SLC2A2: variants seen among roughly 807,000 people sequenced by gnomAD.
SLC2A2 encodes solute carrier family 2, facilitated glucose transporter member 2.
A neutral mutation model predicts 54.5 loss-of-function variants in SLC2A2; 36 were observed. The ratio of observed to expected loss-of-function variants is 0.66; its 90% confidence interval spans 0.51 to 0.87. The LOEUF is 0.87. Ranked by LOEUF, SLC2A2 falls within the 40% of genes least tolerant of loss-of-function variation. The pLI is 0.00. For missense variants in SLC2A2, 543 were observed against 624.3 expected, an observed-to-expected ratio of 0.87 and a Z score of 1.39; for synonymous variants, 223 against 219.1, an observed-to-expected ratio of 1.02 and a Z score of -0.16.
At chr3:171,007,111 A>G in intron 5 of SLC2A2, 37 bp downstream of exon 5, 1 of 1,131,764 alleles carries the variant, frequency 8.8e-7, no homozygotes, top group Non-Finnish European at 1.3e-6. Flanking sequence ...GATGAAGTAG[A>G]TGGGTGCAGT....
At chr3:171,009,512 G>A (rs1030040016) in intron 4 of SLC2A2, among the ~76,000 whole-genome samples, 7 of 151,996 alleles carry the variant, frequency 4.6e-5, no homozygotes, top group African/African-American at 1.2e-4. Flanking sequence ...ATTAAGGGTC[G>A]TGGTATAGCA....
intron 3 of SLC2A2, among the ~76,000 whole-genome samples, chr3:171,013,403 C>A (rs946877340): frequency 9.2e-5 from 14 of 151,904 alleles, no homozygotes; most frequent in Non-Finnish European, 1.6e-4. Flanking sequence ...AAGAAATTGA[C>A]CACTGTCTTT....
chr3:171,010,146 C>T (rs1349682761), intron 3 of SLC2A2, 64 bp from the exon 4 acceptor site: 5 of 1,533,438 alleles, frequency 3.3e-6, no homozygotes, highest in South Asian at 2.2e-5. Flanking sequence ...TATTCGCTTT[C>T]AGAGCATGTT....
intron 4 of SLC2A2, among the ~76,000 whole-genome samples, chr3:171,009,530 A>G (rs1000746659): frequency 1.3e-5 from 2 of 151,990 alleles, no homozygotes; most frequent in Non-Finnish European, 2.9e-5. Flanking sequence ...GCAGTCTCCC[A>G]CTGTCTGCTA....
At chr3:171,000,599 G>T (rs1386002318) in intron 8 of SLC2A2, among the ~76,000 whole-genome samples, 1 of 148,412 alleles carries the variant, frequency 6.7e-6, no homozygotes, top group Non-Finnish European at 1.5e-5. Flanking sequence ...TTCTTTCTCA[G>T]TGTCATCCTG....
chr3:171,014,850 A>C, intron 2 of SLC2A2, 119 bp from the exon 3 acceptor site: 1 of 779,962 alleles, frequency 1.3e-6, no homozygotes, highest in Admixed American at 2.2e-5. Flanking sequence ...TTTTATATAC[A>C]TATAAACATG....
chr3:171,006,006 A>T lies in SLC2A2; in HGVS notation c.712T>A (p.Phe238Ile), dbSNP rs757087261. The change falls in exon 6 of 11, where the codon TTC becomes ATC. Residue 238 changes from phenylalanine (F) to isoleucine (I), a missense_variant. This residue lies in a region of SLC2A2 where 318 missense variants were observed against 343.8 expected (regional missense o/e 0.93). Coordinates refer to ENST00000314251, the MANE Select transcript of SLC2A2 (RefSeq NM_000340.2). ...RAILQSLLLF[F>I]CPESPRYLYI... ...AGGTATCTGGGGCTTTCTGGACAGAAAAAGAGTAGCAGAGACTGAAGGATG... is the reference window on the plus strand; with the variant it reads ...AGGTATCTGGGGCTTTCTGGACAGATAAAGAGTAGCAGAGACTGAAGGATG... The T allele has an allele frequency of 2.9e-5, 47 of 1,612,630 alleles. No individual in the cohort carries two copies. Among genetic ancestry groups the T allele is most frequent in the Non-Finnish European group, 3.8e-5 (45 of 1,179,130 alleles).
intron 1 of SLC2A2, among the ~76,000 whole-genome samples, chr3:171,019,098 T>C (rs1288394622): frequency 2.3e-3 from 12 of 5,284 alleles, no homozygotes; most frequent in African/African-American, 0.019. Flanking sequence ...TGTGTGTGTG[T>C]ATATATATAT....
At chr3:171,011,410 G>A (rs1013072773) in intron 3 of SLC2A2, among the ~76,000 whole-genome samples, 1 of 152,096 alleles carries the variant, frequency 6.6e-6, no homozygotes, top group African/African-American at 2.4e-5. Context: ...GGAAGAAGGG[G>A]CCACAAGCCA....
At position 170,998,196 on chromosome 3, in the gene SLC2A2, A is replaced by G. The variant is rs1363033893; in HGVS notation, c.1371T>C (p.Ile457=). ...NFIVALCFQY[I]ADFCGPYVFF... ...TGTGGAATATTAGGCTGCTTACCGCAATGTACTGGAAACACAGAGCTACAA... is the reference window on the plus strand; with the variant it reads ...TGTGGAATATTAGGCTGCTTACCGCGATGTACTGGAAACACAGAGCTACAA... Residue 457 remains isoleucine, a synonymous_variant, in exon 10 of 11, where the codon ATT becomes ATC. Coordinates refer to ENST00000314251, the MANE Select transcript of SLC2A2 (RefSeq NM_000340.2). The G allele has an allele frequency of 6.2e-7, 1 of 1,613,602 alleles. No individual in the cohort carries two copies. The highest frequency in any genetic ancestry group is 1.3e-5 in the African/African-American group (1 of 74,902).
chr3:171,019,129 G>GTATGTA (rs1716328693), intron 1 of SLC2A2, among the ~76,000 whole-genome samples: 1 of 25,036 alleles, frequency 4.0e-5, no homozygotes, highest in African/African-American at 2.5e-4. Context: ...ATATACGTAT[G>GTATGTA]TATATATATA....
intron 9 of SLC2A2, among the ~76,000 whole-genome samples, chr3:170,998,833 A>T (rs1261150940): frequency 6.6e-6 from 1 of 152,170 alleles, no homozygotes; most frequent in South Asian, 2.1e-4. Context: ...CCATGGGTAC[A>T]TGGCCTCCCT....
chr3:171,008,347 A>G (rs2108247980), intron 4 of SLC2A2, among the ~76,000 whole-genome samples: 1 of 152,226 alleles, frequency 6.6e-6, no homozygotes, highest in East Asian at 1.9e-4. Context: ...ATCTTAAGTA[A>G]GAAAAAAATC....
Position 170,997,894 on chromosome 3 carries a change from G to GT in SLC2A2, c.*8dup, listed in dbSNP as rs573575421. 0.012 allele frequency: 15,650 copies of GT among 1,337,056 alleles called. 5 individuals are homozygous for GT. The highest frequency in any genetic ancestry group is 0.017 in the Middle Eastern group (91 of 5,276). The allele number at this position is 1,337,056 out of a possible 1,614,324, so 82.8% of individuals were successfully genotyped here. A position where few individuals can be genotyped will look rare whatever the true frequency, so the allele number is the denominator to read the frequency against. On this transcript the variant is annotated 3_prime_UTR_variant, in exon 11 of 11. Transcript: ENST00000314251. ...GTTTCTGTTCATGTCAAAAAGCAGG[G>GT]TTTTTTTTTTACACAGTCTCTGTAG...
At chr3:171,024,429 G>C (rs1716596001) in intron 1 of SLC2A2, among the ~76,000 whole-genome samples, 1 of 152,206 alleles carries the variant, frequency 6.6e-6, no homozygotes, top group Admixed American at 6.5e-5. Flanking sequence ...ATACTCTAGT[G>C]TGGGAACCGA....
chr3:171,001,990 C>T (rs1715358067), intron 8 of SLC2A2, among the ~76,000 whole-genome samples: 1 of 151,792 alleles, frequency 6.6e-6, no homozygotes, highest in Non-Finnish European at 1.5e-5. Flanking sequence ...TAATCTCACA[C>T]ATACTCTCAT....
chr3:171,018,782 T>C (rs1228759348), intron 1 of SLC2A2, among the ~76,000 whole-genome samples, 159 bp from the exon 2 acceptor site: 1 of 152,094 alleles, frequency 6.6e-6, no homozygotes. Flanking sequence ...TGGCAGGTGT[T>C]GTTCATACAA....
At chr3:171,008,672 GA>G (rs1389008030) in intron 4 of SLC2A2, among the ~76,000 whole-genome samples, 1 of 151,900 alleles carries the variant, frequency 6.6e-6, no homozygotes, top group Non-Finnish European at 1.5e-5. Context: ...TAAATGGAGA[GA>G]AAAGAAAGAA....
In SLC2A2 at chr3:171,014,597, C is replaced by A. The variant is rs531049536; in HGVS notation, c.243G>T (p.Trp81Cys). The change falls in exon 3 of 11, where the codon TGG becomes TGT. Residue 81 changes from tryptophan to cysteine, a missense_variant. This residue lies in a region of SLC2A2 where 318 missense variants were observed against 343.8 expected (regional missense o/e 0.93). Transcript: ENST00000314251. The part of the protein sequence containing the change: ...SYSMNPKPTP[W>C]AEEETVAAAQ... ...CAGCTGCCACAGTCTCTTCCTCAGCCCAAGGGGTTGGTTTTGGGTTCATTG... is the reference window on the plus strand; with the variant it reads ...CAGCTGCCACAGTCTCTTCCTCAGCACAAGGGGTTGGTTTTGGGTTCATTG... The A allele has an allele frequency of 2.5e-6, 4 of 1,614,108 alleles. No individual in the cohort carries two copies. Among genetic ancestry groups the A allele is most frequent in the South Asian group, 1.1e-5 (1 of 91,082 alleles).
Sources: allele counts gnomAD v4.1 joint callset (sites outside exome capture counted in the v4.1 genomes callset), GRCh38; gene constraint gnomAD v4.1.1; regional missense constraint gnomAD v4.1.1; transcripts MANE v1.5; gene names NCBI Gene and HGNC (gene_info 2026-07-23, HGNC 2026-07-21).